The following TMPRSS9 variants were observed in gnomAD, a reference collection of about 807,000 sequenced individuals.
TMPRSS9 encodes transmembrane serine protease 9, also known as transmembrane protease serine 9.
In TMPRSS9, 113 loss-of-function variants were observed where a neutral mutation model predicts 111.4. The ratio of observed to expected loss-of-function variants is 1.01; its 90% CI spans 0.87 to 1.19. The LOEUF is 1.19. Among genes scored for constraint, TMPRSS9 ranks in the 50% most tolerant of loss-of-function variants. TMPRSS9 has a pLI of 0.00. For synonymous variants in TMPRSS9, 805 were observed against 659.1 expected (o/e 1.22, Z -3.39); for missense variants, 1,803 against 1,513.1 (o/e 1.19, Z -3.18).
At chr19:2,393,221 C>T (rs1239741045) in intron 1 of TMPRSS9, among the ~76,000 whole-genome samples, 1 of 152,176 alleles carries the variant, frequency 6.6e-6, no homozygotes, top group Non-Finnish European at 1.5e-5. Context: ...AATCTTGCTG[C>T]TGCTCACTCG....
exon 14 of TMPRSS9, chr19:2,422,220 G>C (rs1415298958): frequency 8.5e-6 from 13 of 1,521,342 alleles, no homozygotes; most frequent in Non-Finnish European, 1.1e-5. Flanking sequence ...AGACGCCCCG[G>C]AGGCCACCAC....
chr19:2,385,504 A>C (rs1211818366), upstream of TMPRSS9, among the ~76,000 whole-genome samples: 1 of 152,056 alleles, frequency 6.6e-6, no homozygotes, highest in Non-Finnish European at 1.5e-5. Flanking sequence ...ATCCTTTTAC[A>C]TTTCAAAGCC....
chr19:2,405,855 G>C (rs559269972), intron 7 of TMPRSS9, among the ~76,000 whole-genome samples: 1 of 149,702 alleles, frequency 6.7e-6, no homozygotes, highest in Non-Finnish European at 1.5e-5. Flanking sequence ...ACAGGCGCCC[G>C]CCACCACGCC....
intron 1 of TMPRSS9, 126 bp from the exon 3 acceptor site, chr19:2,396,413 C>A: frequency 8.5e-7 from 1 of 1,183,046 alleles, no homozygotes; most frequent in Non-Finnish European, 1.1e-6. Flanking sequence ...GTCGACCACC[C>A]CACTGCGTGT....
At chr19:2,376,623 C>T (rs1379446017) in intron 1 of TMPRSS9, among the ~76,000 whole-genome samples, 2 of 152,052 alleles carry the variant, frequency 1.3e-5, no homozygotes, top group Non-Finnish European at 2.9e-5. Context: ...CCACGCCCGG[C>T]TAATTTTTGT....
chr19:2,424,889 C>T lies in TMPRSS9; in HGVS notation c.2718-113C>T. ...CATTCCCAGACCGACAGCCAGAGACCAAGAGGCCAATAACCCTGCCCAGGG... is the reference window on the plus strand; with the variant it reads ...CATTCCCAGACCGACAGCCAGAGACTAAGAGGCCAATAACCCTGCCCAGGG... On this transcript the variant is annotated intron_variant, in intron 15 of 17. Coordinates refer to ENST00000648592, the Ensembl canonical transcript of TMPRSS9. The T allele has an allele frequency of 9.3e-6, 12 of 1,289,416 alleles. No homozygotes were observed. The South Asian group carries it at 1.8e-4, about 19-fold the overall frequency. The allele number at this position is 1,289,416 out of a possible 1,614,324, so 79.9% of individuals were successfully genotyped here. A position where few individuals can be genotyped will look rare whatever the true frequency, so the allele number is the denominator to read the frequency against.
chr19:2,423,813 G>C (rs1351350733), intron 14 of TMPRSS9, among the ~76,000 whole-genome samples: 1 of 152,050 alleles, frequency 6.6e-6, no homozygotes, highest in Non-Finnish European at 1.5e-5. Context: ...GGAGATGTGG[G>C]AGGCTGCCAT....
At chr19:2,410,160 G>A (rs919706113) in intron 8 of TMPRSS9, 98 bp from the exon 10 acceptor site, 20 of 1,538,930 alleles carry the variant, frequency 1.3e-5, no homozygotes, top group Non-Finnish European at 1.6e-5. Context: ...GGGAAACTGA[G>A]GGAGGCTTGG....
intron 7 of TMPRSS9, among the ~76,000 whole-genome samples, chr19:2,406,712 C>T (rs778038558): frequency 5.3e-5 from 8 of 151,880 alleles, no homozygotes; most frequent in African/African-American, 9.7e-5. Context: ...TTGGATTTCT[C>T]GGTGACCAAT....
rs979878218 is a variant in TMPRSS9, at chr19:2,372,849, T to G, written c.-26+12489T>G. ...TAAATTAAAAAAATTTATTTTTTCCTGAGACAAAGTCTTGCTCTATCACCC... is the reference window on the plus strand; with the variant it reads ...TAAATTAAAAAAATTTATTTTTTCCGGAGACAAAGTCTTGCTCTATCACCC... On this transcript the variant is annotated intron_variant, in intron 1 of 17. Transcript: ENST00000649857. 9.6e-4 allele frequency among the ~76,000 whole-genome samples: 146 copies of G among 152,312 alleles called. 1 individual carries two copies. Among genetic ancestry groups the G allele is most frequent in the African/African-American group, 3.3e-3 (137 of 41,566 alleles).
chr19:2,398,823 T>C (rs1021187107), exon 3 of TMPRSS9: 1 of 1,494,488 alleles, frequency 6.7e-7, no homozygotes. Context: ...AAGACAGAGT[T>C]AGAGGCAAGC....
chr19:2,423,987 C>T (rs552245091), intron 14 of TMPRSS9, 102 bp from the exon 16 acceptor site: 4 of 1,205,924 alleles, frequency 3.3e-6, no homozygotes, highest in Middle Eastern at 3.2e-4. Context: ...CAACCTACTC[C>T]CTGGGGCTCC....
intron 13 of TMPRSS9, among the ~76,000 whole-genome samples, chr19:2,421,098 C>T (rs1328884181): frequency 1.3e-5 from 2 of 151,200 alleles, no homozygotes; most frequent in African/African-American, 2.4e-5. Flanking sequence ...TCCAGCTACT[C>T]GGGAGGCTGA....
At chr19:2,386,923 C>T (rs556958131), upstream of TMPRSS9, among the ~76,000 whole-genome samples, 4 of 151,892 alleles carry the variant, frequency 2.6e-5, no homozygotes, top group South Asian at 4.2e-4. Flanking sequence ...ACCTGAGAGG[C>T]GGAGCTTGTA....
chr19:2,425,577 C>A (rs530478390), intron 17 of TMPRSS9, 84 bp downstream of exon 18: 9 of 1,402,208 alleles, frequency 6.4e-6, no homozygotes, highest in Admixed American at 6.0e-5. Context: ...GCCCACCATC[C>A]GGGAGCCACC....
At chr19:2,425,864 G>A (rs1599324020) in intron 17 of TMPRSS9, 63 bp from the exon 19 acceptor site, 13 of 1,514,308 alleles carry the variant, frequency 8.6e-6, no homozygotes, top group East Asian at 4.7e-5. Context: ...AGGGGCCAAT[G>A]ACCCAAGGGC....
intron 8 of TMPRSS9, among the ~76,000 whole-genome samples, 181 bp from the exon 10 acceptor site, chr19:2,410,077 A>C (rs983675984): frequency 2.6e-5 from 4 of 151,936 alleles, no homozygotes; most frequent in Non-Finnish European, 5.9e-5. Flanking sequence ...CCAGGCAGAG[A>C]GTGTTACCAG....
chr19:2,402,210 G>T (rs11882712), intron 5 of TMPRSS9, among the ~76,000 whole-genome samples, 194 bp downstream of exon 6: 35,089 of 150,100 alleles, frequency 0.23, 4,617 homozygotes, highest in African/African-American at 0.37. Flanking sequence ...CTGGACAACA[G>T]AGCGAGACCC....
At chr19:2,396,704 GC>G in intron 2 of TMPRSS9, 38 bp downstream of exon 3, 1 of 1,577,404 alleles carries the variant, frequency 6.3e-7, no homozygotes, top group Non-Finnish European at 8.7e-7. Flanking sequence ...GGGAGGAAGA[GC>G]GGGTGGCCGG....
Sources: allele counts gnomAD v4.1 joint callset (sites outside exome capture counted in the v4.1 genomes callset), GRCh38; gene constraint gnomAD v4.1.1; transcripts MANE v1.5; gene names NCBI Gene and HGNC (gene_info 2026-07-23, HGNC 2026-07-21).